FRY: variants seen among roughly 807,000 people sequenced by gnomAD.
FRY encodes FRY microtubule binding protein.
FRY carries 128 observed loss-of-function variants against 348.4 expected under a neutral mutation model. That is an observed-to-expected ratio of 0.37 (90% CI 0.32 to 0.43). The LOEUF is 0.43. Among genes scored for constraint, FRY ranks in the 20% least tolerant of loss-of-function variants. The pLI, the probability that FRY is intolerant of heterozygous loss-of-function variation, is 1.00. For missense variants in FRY, 2,736 were observed against 3,695.2 expected, an observed-to-expected ratio of 0.74 and a Z score of 6.73; for synonymous variants, 1,370 against 1,374.7, an observed-to-expected ratio of 1.00 and a Z score of 0.08.
At chr13:32,190,026 A>G (rs1038102456) in intron 28 of FRY, among the ~76,000 whole-genome samples, 18 of 152,076 alleles carry the variant, frequency 1.2e-4, no homozygotes, top group African/African-American at 4.3e-4. Context: ...TCATTCACAT[A>G]TTAACTATAT....
At chr13:32,275,704 C>G (rs1888502280) in intron 56 of FRY, among the ~76,000 whole-genome samples, 1 of 152,176 alleles carries the variant, frequency 6.6e-6, no homozygotes, top group Non-Finnish European at 1.5e-5. Context: ...TTCCCCACCC[C>G]CAAGTCTCTA....
chr13:32,144,220 C>CA (rs1163649103), intron 11 of FRY, among the ~76,000 whole-genome samples: 122 of 136,168 alleles, frequency 9.0e-4, no homozygotes, highest in Middle Eastern at 3.6e-3. Flanking sequence ...CCAAAACAAA[C>CA]AAAAAAAAAA....
chr13:32,263,278 A>G (rs564158650), intron 53 of FRY, among the ~76,000 whole-genome samples: 1 of 152,380 alleles, frequency 6.6e-6, no homozygotes, highest in East Asian at 1.9e-4. Context: ...AAAAAATTTC[A>G]TAAAAGTATA....
chr13:32,227,663 C>T (rs1885651878), intron 39 of FRY, among the ~76,000 whole-genome samples: 1 of 151,954 alleles, frequency 6.6e-6, no homozygotes, highest in African/African-American at 2.4e-5. Flanking sequence ...AATACTAAAG[C>T]TTCTGGGCAC....
chr13:32,038,314 T>C (rs1872623561), intron 1 of FRY: 1 of 152,204 alleles, frequency 6.6e-6, no homozygotes, highest in Non-Finnish European at 1.5e-5. Flanking sequence ...ACTTAAGAAA[T>C]ACAGAGGTAA....
intron 9 of FRY, 33 bp downstream of exon 9, chr13:32,135,029 G>A: frequency 6.4e-7 from 1 of 1,564,096 alleles, no homozygotes; most frequent in Middle Eastern, 1.7e-4. Context: ...CCTTCAAATT[G>A]TATCACAAAA....
chr13:32,044,820 T>G (rs1872935781), intron 1 of FRY, among the ~76,000 whole-genome samples: 1 of 152,218 alleles, frequency 6.6e-6, no homozygotes, highest in African/African-American at 2.4e-5. Flanking sequence ...GGACATAGTT[T>G]GTGTAGGTGG....
chr13:32,201,639 G>A (rs534663720), intron 29 of FRY, among the ~76,000 whole-genome samples: 65 of 151,886 alleles, frequency 4.3e-4, no homozygotes, highest in South Asian at 1.3e-3. Context: ...ATTAAAGTCC[G>A]TTTGCATCAG....
At chr13:32,229,764 A>G (rs1331904756) in intron 40 of FRY, among the ~76,000 whole-genome samples, 1 of 152,188 alleles carries the variant, frequency 6.6e-6, no homozygotes, top group African/African-American at 2.4e-5. Flanking sequence ...TTGCAGCTTG[A>G]TGTGATCCTG....
chr13:32,224,450 A>G (rs1885479706), intron 37 of FRY, 65 bp downstream of exon 37: 7 of 1,449,170 alleles, frequency 4.8e-6, no homozygotes, highest in East Asian at 4.5e-5. Flanking sequence ...CTATGACAAG[A>G]GAAAAACCTA....
At chr13:32,235,857 A>G (rs1886199116) in intron 42 of FRY, among the ~76,000 whole-genome samples, 1 of 152,152 alleles carries the variant, frequency 6.6e-6, no homozygotes, top group Non-Finnish European at 1.5e-5. Flanking sequence ...AATGAAAGTG[A>G]TCTGTTGAGG....
chr13:32,144,873 G>T (rs1189311755), intron 11 of FRY, among the ~76,000 whole-genome samples: 1 of 152,170 alleles, frequency 6.6e-6, no homozygotes, highest in Non-Finnish European at 1.5e-5. Flanking sequence ...GAGTGGAAGG[G>T]CTATGCTAGA....
In FRY at chr13:32,078,890, C is replaced by T. The variant is rs753759843; in HGVS notation, c.127C>T (p.His43Tyr). The change falls in exon 2 of 61, where the codon CAC becomes TAC. Residue 43 changes from histidine (H) to tyrosine (Y), a missense_variant. His to Tyr is a moderately conservative substitution (Grantham distance 83). Around this residue, in one of 9 missense-constraint regions of FRY, gnomAD observed 309 missense variants for 418.1 expected, o/e 0.74. Coordinates refer to ENST00000542859, the MANE Select transcript of FRY (RefSeq NM_023037.3). ...KPPVPPASGT[H>Y]REKGPPTMLP... is the part of the protein sequence containing the mutation. ...TCCGGTTCCACCTGCTTCTGGCACGCACAGGGAGAAAGGGCCGCCAACCAT... is the reference window on the plus strand; with the variant it reads ...TCCGGTTCCACCTGCTTCTGGCACGTACAGGGAGAAAGGGCCGCCAACCAT... 6 of 1,614,066 alleles carry T rather than the reference C, an allele frequency of 3.7e-6. No individual in the cohort carries two copies. The highest frequency in any genetic ancestry group is 5.1e-6 in the Non-Finnish European group (6 of 1,179,966).
At position 32,136,475 on chromosome 13, in the gene FRY, A is replaced by G. The variant is rs575592137; in HGVS notation, c.1078-396A>G. On this transcript the variant is annotated intron_variant, in intron 10 of 60. Transcript: ENST00000542859. ...GACAAATTATTAGATGTCTATGAGC[A>G]AAAAAGCCAATAACATTTTCAAAAT... 7.9e-5 allele frequency among the ~76,000 whole-genome samples: 12 copies of G among 152,344 alleles called. No individual in the cohort carries two copies. The East Asian group carries it at 1.9e-3, about 24-fold the overall frequency.
chr13:32,091,277 A>ATTCT (rs1876290971), intron 2 of FRY, among the ~76,000 whole-genome samples: 3 of 152,224 alleles, frequency 2.0e-5, no homozygotes. Flanking sequence ...TTCCACCAGA[A>ATTCT]GTCCAGTGAT....
Position 32,295,271 on chromosome 13 carries a change from T to C in FRY, c.8853T>C (p.Tyr2951=). 6.2e-7 allele frequency: 1 copy of C among 1,613,946 alleles called. No homozygotes were observed. Among genetic ancestry groups the C allele is most frequent in the Non-Finnish European group, 8.5e-7 (1 of 1,179,840 alleles). ...DDEVQTLLNI[Y]FRHQTLGQTG... ...AGGTCCAGACACTACTGAATATTTA[T>C]TTCCGTCACCAAACTCTGGGACAGA... Residue 2951 remains tyrosine, a synonymous_variant, in exon 61 of 61, where the codon TAT becomes TAC. Coordinates refer to ENST00000542859, the MANE Select transcript of FRY (RefSeq NM_023037.3).
chr13:32,066,398 G>A (rs1000922635), intron 1 of FRY, among the ~76,000 whole-genome samples: 5 of 152,156 alleles, frequency 3.3e-5, no homozygotes, highest in African/African-American at 1.2e-4. Context: ...AGTCATTTCT[G>A]TTCCATTACT....
At chr13:32,180,013 T>C (rs965292520) in intron 23 of FRY, among the ~76,000 whole-genome samples, 4 of 152,208 alleles carry the variant, frequency 2.6e-5, no homozygotes, top group Non-Finnish European at 5.9e-5. Flanking sequence ...CAACTTTGAT[T>C]TTACCTCTCA....
At chr13:32,199,710 A>C (rs1883892491) in intron 29 of FRY, among the ~76,000 whole-genome samples, 1 of 152,216 alleles carries the variant, frequency 6.6e-6, no homozygotes, top group Admixed American at 6.5e-5. Flanking sequence ...ATCTTTTAGA[A>C]GAAAAATATA....
Sources: allele counts gnomAD v4.1 joint callset (sites outside exome capture counted in the v4.1 genomes callset), GRCh38; gene constraint gnomAD v4.1.1; regional missense constraint gnomAD v4.1.1; transcripts MANE v1.5; gene names NCBI Gene and HGNC (gene_info 2026-07-23, HGNC 2026-07-21).